The following CDKL5 variants were observed in gnomAD, a reference collection of about 807,000 sequenced individuals.
CDKL5 encodes the protein cyclin-dependent kinase-like 5.
CDKL5 carries 8 observed loss-of-function variants against 61.7 expected under a neutral mutation model. The observed-to-expected ratio is 0.13, with a 90% CI of 0.08 to 0.23. The LOEUF (loss-of-function observed/expected upper bound fraction) is 0.23, where lower values mean the gene tolerates loss of function less well. Among genes scored for constraint, CDKL5 ranks in the 10% least tolerant of loss-of-function variants. The probability of loss-of-function intolerance (pLI) is 1.00; values close to 1 mark genes in which losing one functional copy is unlikely to be tolerated. For missense variants in CDKL5, 440 were observed against 734.5 expected (o/e 0.60, Z 4.63); for synonymous variants, 275 against 272.3 (o/e 1.01, Z -0.10).
At chrX:18,651,256 T>A (rs1384946464) in intron 21 of CDKL5, among the ~76,000 whole-genome samples, 1 of 98,527 alleles carries the variant, frequency 1.0e-5, no homozygotes, top group African/African-American at 4.0e-5. Context: ...TGTGTGTGTG[T>A]GTGTGTGTGA....
rs58993237 is a variant in CDKL5, at chrX:18,597,591, A to ATTTT, written c.826-849_826-846dup. ...TGAGGCTCTTTGCTGCTACAGAATG[A>ATTTT]TTTTTTTTTTTTTTTTTTTTTTTTT... On this transcript the variant is annotated intron_variant, in intron 10 of 17. Transcript: ENST00000623535. Among the ~76,000 whole-genome samples, 230 of 72,804 alleles carry ATTTT rather than the reference A, an allele frequency of 3.2e-3. 3 individuals carry two copies. Among genetic ancestry groups the ATTTT allele is most frequent in the Middle Eastern group, 0.01 (1 of 98 alleles). The allele number at this position is 72,804 out of a possible 115,157, so 63.2% of individuals were successfully genotyped here.
At chrX:18,433,342 C>T (rs1931541181) in intron 1 of CDKL5, among the ~76,000 whole-genome samples, 1 of 111,691 alleles carries the variant, frequency 9.0e-6, no homozygotes, top group African/African-American at 3.2e-5. Flanking sequence ...CACCTGAGGT[C>T]GGGAGTTCGA....
At chrX:18,651,421 C>T (rs1928043849) in intron 21 of CDKL5, among the ~76,000 whole-genome samples, 1 of 111,196 alleles carries the variant, frequency 9.0e-6, no homozygotes, top group Non-Finnish European at 1.9e-5. Context: ...GAGGTCACAG[C>T]CCCAGCTAAA....
At chrX:18,469,865 C>G (rs1260723226) in intron 1 of CDKL5, among the ~76,000 whole-genome samples, 6 of 111,699 alleles carry the variant, frequency 5.4e-5, no homozygotes, top group Admixed American at 1.9e-4. Flanking sequence ...TGTCTTTTCT[C>G]TTAGCAAATC....
chrX:18,637,694 T>A lies in CDKL5; in HGVS notation c.*8937T>A, dbSNP rs1927434049. 1 of 112,056 alleles carries A rather than the reference T, an allele frequency of 8.9e-6. No homozygotes were observed. The highest frequency in any genetic ancestry group is 9.5e-5 in the Admixed American group (1 of 10,493). The allele number at this position is 112,056 out of a possible 1,213,427, so 9.2% of individuals were successfully genotyped here. ...ATGCCTCAGTTTCCTTATCTTTAAA[T>A]GGAGGTAATCACAGTACCTACCTCA... On this transcript the variant is annotated 3_prime_UTR_variant, in exon 18 of 18. Coordinates refer to ENST00000623535, the MANE Select transcript of CDKL5 (RefSeq NM_001323289.2).
chrX:18,599,793 A>T (rs780872622), intron 11 of CDKL5, among the ~76,000 whole-genome samples: 1 of 111,685 alleles, frequency 9.0e-6, no homozygotes, highest in South Asian at 3.8e-4. Context: ...TTTTAATATA[A>T]ATTTTCTTCC....
chrX:18,584,238 A>T, intron 7 of CDKL5, 25 bp from the exon 8 acceptor site: 1 of 1,053,294 alleles, frequency 9.5e-7, no homozygotes, highest in Non-Finnish European at 1.3e-6. Context: ...TCAAAGTTAC[A>T]ACTTTGGACT....
At chrX:18,442,579 C>T (rs531881820) in intron 1 of CDKL5, among the ~76,000 whole-genome samples, 6 of 111,086 alleles carry the variant, frequency 5.4e-5, no homozygotes, top group South Asian at 7.5e-4. Flanking sequence ...CTGCAAGCTC[C>T]GCCTCCCGGG....
chrX:18,500,511 ATTCTT>A (rs1922344797), intron 1 of CDKL5, among the ~76,000 whole-genome samples: 1 of 111,640 alleles, frequency 9.0e-6, no homozygotes, highest in Non-Finnish European at 1.9e-5. Context: ...TCTGGATTCT[ATTCTT>A]TTGCTTTGAT....
chrX:18,632,225 A>G lies in CDKL5; in HGVS notation c.*3468A>G, dbSNP rs1927256872. 1 of 753,581 alleles carries G rather than the reference A, an allele frequency of 1.3e-6. No homozygotes were observed. The highest frequency in any genetic ancestry group is 1.6e-6 in the Non-Finnish European group (1 of 638,542). The allele number at this position is 753,581 out of a possible 1,213,427, so 62.1% of individuals were successfully genotyped here. A position where few individuals can be genotyped will look rare whatever the true frequency, so the allele number is the denominator to read the frequency against. On this transcript the variant is annotated 3_prime_UTR_variant, in exon 18 of 18. Transcript: ENST00000623535. ...ATTCTCTTAAGAGTCTTCAACCACT[A>G]TGCCTGAATCCTTGGAATCCTATTG...
intron 15 of CDKL5, among the ~76,000 whole-genome samples, chrX:18,619,628 C>G (rs764808264): frequency 8.9e-6 from 1 of 112,012 alleles, no homozygotes; most frequent in South Asian, 3.7e-4. Context: ...GCAACAGTTA[C>G]AGGTCATATA....
chrX:18,648,556 G>A (rs866589228), intron 20 of CDKL5, among the ~76,000 whole-genome samples: 1 of 111,239 alleles, frequency 9.0e-6, no homozygotes, highest in Non-Finnish European at 1.9e-5. Flanking sequence ...CCTTCTTTTT[G>A]ACTAAAGAGC....
At chrX:18,540,450 T>C (rs1317712146) in intron 3 of CDKL5, among the ~76,000 whole-genome samples, 1 of 112,002 alleles carries the variant, frequency 8.9e-6, no homozygotes, top group Non-Finnish European at 1.9e-5. Flanking sequence ...GTGCTGGGAT[T>C]ACAGGAGTGA....
Position 18,604,287 on chromosome X carries a change from G to C in CDKL5, c.1363G>C (p.Ala455Pro). Residue 455 changes from alanine (A) to proline (P), a missense_variant, in exon 12 of 18, where the codon GCT becomes CCT. This residue lies in a region of CDKL5 where 363 missense variants were observed against 516.3 expected (regional missense o/e 0.70). Coordinates refer to ENST00000623535, the MANE Select transcript of CDKL5 (RefSeq NM_001323289.2). ...HSFMESSQSK[A>P]GTLQPNEKQS... ...ATTCATGGAAAGCTCTCAAAGCAAA[G>C]CTGGGACACTGCAGCCCAATGAAAA... 8.3e-7 allele frequency: 1 copy of C among 1,212,013 alleles called. No individual in the cohort carries two copies. Among genetic ancestry groups the C allele is most frequent in the Non-Finnish European group, 1.1e-6 (1 of 895,530 alleles).
chrX:18,519,767 A>G (rs1248066247), intron 3 of CDKL5, among the ~76,000 whole-genome samples: 1 of 112,461 alleles, frequency 8.9e-6, no homozygotes, highest in Non-Finnish European at 1.9e-5. Context: ...CAAGAGAAGG[A>G]CATTCTCATA....
chrX:18,445,181 G>C (rs1309543843), intron 1 of CDKL5, among the ~76,000 whole-genome samples: 1 of 108,023 alleles, frequency 9.3e-6, no homozygotes, highest in African/African-American at 3.4e-5. Flanking sequence ...GGGTTCAAGT[G>C]ATTCTCCTGC....
At chrX:18,450,043 T>C in intron 1 of CDKL5, among the ~76,000 whole-genome samples, 1 of 112,399 alleles carries the variant, frequency 8.9e-6, no homozygotes. Context: ...TCTGCCCGCC[T>C]CGGCCTCCCA....
In CDKL5 at chrX:18,507,041, A is replaced by G. The variant is rs1922601224; in HGVS notation, c.-56A>G. On this transcript the variant is annotated 5_prime_UTR_variant, in exon 2 of 18. Coordinates refer to ENST00000623535, the MANE Select transcript of CDKL5 (RefSeq NM_001323289.2). ...TTGGATCTTACTGCACAGCTTTCTG[A>G]GAAGTTCTTTTGGTGCCATGTTTTG... The G allele has an allele frequency of 5.5e-6, 5 of 907,779 alleles. No homozygotes were observed. The highest frequency in any genetic ancestry group is 8.1e-6 in the Non-Finnish European group (5 of 619,635). The allele number at this position is 907,779 out of a possible 1,213,427, so 74.8% of individuals were successfully genotyped here. A position where few individuals can be genotyped will look rare whatever the true frequency, so the allele number is the denominator to read the frequency against.
intron 12 of CDKL5, 122 bp from the exon 13 acceptor site, chrX:18,608,689 T>C (rs1280717009): frequency 1.8e-5 from 9 of 512,052 alleles, no homozygotes; most frequent in East Asian, 1.5e-4. Context: ...ATTTGTATTT[T>C]AGCCAACTAA....
Sources: gnomAD v4.1 joint callset for allele counts (sites outside exome capture counted in the v4.1 genomes callset) on GRCh38, gnomAD v4.1.1 for gene constraint, gnomAD v4.1.1 regional missense constraint, MANE v1.5 for transcripts, NCBI Gene and HGNC (gene_info 2026-07-23, HGNC 2026-07-21) for gene names.